RPS6KA2: variants seen among roughly 807,000 people sequenced by gnomAD.
The protein encoded by RPS6KA2 is ribosomal protein S6 kinase alpha-2.
RPS6KA2 carries 42 observed loss-of-function variants against 91.8 expected under a neutral mutation model. The ratio of observed to expected loss-of-function variants is 0.46; its 90% CI spans 0.36 to 0.59. The LOEUF (loss-of-function observed/expected upper bound fraction) is 0.59. Among genes scored for constraint, RPS6KA2 ranks in the 20% least tolerant of loss-of-function variants. The pLI is 0.00. For missense variants in RPS6KA2, 798 were observed against 978.5 expected, an observed-to-expected ratio of 0.82 and a Z score of 2.46; for synonymous variants, 414 against 393.6, an observed-to-expected ratio of 1.05 and a Z score of -0.61.
exon 1 of RPS6KA2, chr6:166,862,406 GT>G (rs922900970): frequency 5.0e-5 from 69 of 1,374,422 alleles, no homozygotes; most frequent in Non-Finnish European, 6.1e-5. Flanking sequence ...CTCGGGCGCC[GT>G]CCCCTCCCTG....
chr6:166,524,794 G>A (rs945115590), intron 3 of RPS6KA2, among the ~76,000 whole-genome samples: 2 of 152,226 alleles, frequency 1.3e-5, no homozygotes, highest in African/African-American at 2.4e-5. Flanking sequence ...ACTTTCAGCA[G>A]GGGGACACTG....
chr6:166,726,835 G>A lies in RPS6KA2; in HGVS notation c.123+131365C>T, dbSNP rs1790352663. Among the ~76,000 whole-genome samples, 1 of 152,210 alleles carries A rather than the reference G, an allele frequency of 6.6e-6. No individual in the cohort carries two copies. The highest frequency in any genetic ancestry group is 2.4e-5 in the African/African-American group (1 of 41,452). ...GAAACCCCTCCACCAGGGAGGTGAC[G>A]GGTCTCAGGGAGTGTGTCTGGCGGG... On this transcript the variant is annotated intron_variant, in intron 2 of 21. Coordinates refer to the RPS6KA2 transcript ENST00000503859. The surrounding 1 kb of genome is among the most constrained non-coding windows in gnomAD (Gnocchi z 4.4).
At chr6:166,717,478 C>A (rs1790045068) in intron 2 of RPS6KA2, among the ~76,000 whole-genome samples, 1 of 152,152 alleles carries the variant, frequency 6.6e-6, no homozygotes, top group South Asian at 2.1e-4. Flanking sequence ...GGAAGAAGGC[C>A]AGGGAATTTT....
At chr6:166,679,478 T>TAATA (rs1018230813) in intron 2 of RPS6KA2, among the ~76,000 whole-genome samples, 12 of 151,852 alleles carry the variant, frequency 7.9e-5, no homozygotes, top group African/African-American at 2.9e-4. Flanking sequence ...ATAATAATAA[T>TAATA]AATAAATAAA....
chr6:166,465,845 C>G (rs1780499294), intron 11 of RPS6KA2, among the ~76,000 whole-genome samples: 1 of 152,226 alleles, frequency 6.6e-6, no homozygotes, highest in African/African-American at 2.4e-5. Context: ...GGACACTTTG[C>G]TGGTGCACCA....
chr6:166,436,248 G>A (rs948339795), intron 14 of RPS6KA2, among the ~76,000 whole-genome samples: 8 of 151,352 alleles, frequency 5.3e-5, no homozygotes, highest in South Asian at 4.2e-4. Flanking sequence ...CTGCGAGTCC[G>A]TGCCATGAAG....
intron 12 of RPS6KA2, among the ~76,000 whole-genome samples, chr6:166,453,306 G>C (rs1779978345): frequency 2.0e-5 from 3 of 151,970 alleles, no homozygotes; most frequent in Admixed American, 6.6e-5. Flanking sequence ...GAACATATTT[G>C]CAAACTATGC....
chr6:166,776,867 T>C (rs1778635813), intron 2 of RPS6KA2, among the ~76,000 whole-genome samples: 1 of 152,238 alleles, frequency 6.6e-6, no homozygotes, highest in East Asian at 1.9e-4. Context: ...TGTGCTGCTA[T>C]AAACAAGTGT....
At chr6:166,516,996 CAT>C (rs1420235244) in intron 3 of RPS6KA2, among the ~76,000 whole-genome samples, 14 of 152,116 alleles carry the variant, frequency 9.2e-5, no homozygotes, top group Non-Finnish European at 2.1e-4. Context: ...TGTTTAGCCA[CAT>C]GTCTGACTTT....
chr6:166,704,067 C>T (rs985642495), intron 2 of RPS6KA2, among the ~76,000 whole-genome samples: 2 of 152,126 alleles, frequency 1.3e-5, no homozygotes, highest in African/African-American at 4.8e-5. Context: ...GCTGAGGAGC[C>T]AGAACTTGAC....
rs1266644860 is a variant in RPS6KA2, at chr6:166,419,391, G to T, written c.1820+491C>A. On this transcript the variant is annotated intron_variant, in intron 18 of 20. Coordinates refer to ENST00000265678, the MANE Select transcript of RPS6KA2 (RefSeq NM_021135.6). This position sits in a 1 kb window ranked among gnomAD's most constrained non-coding sequence, Gnocchi z 5.6. The stretch of plus-strand genomic sequence containing the variant: ...CACGGCTAGTGGCGAGTGGGGCTCA[G>T]ATGGAAGTCAGCTGTCTGGATGGCA... Among the ~76,000 whole-genome samples, 1 of 152,212 alleles carries T rather than the reference G, an allele frequency of 6.6e-6. No individual in the cohort carries two copies. The highest frequency in any genetic ancestry group is 1.5e-5 in the Non-Finnish European group (1 of 68,044).
chr6:166,450,258 C>T (rs1562501448), intron 13 of RPS6KA2, among the ~76,000 whole-genome samples: 2 of 149,920 alleles, frequency 1.3e-5, no homozygotes, highest in African/African-American at 2.5e-5. Flanking sequence ...CAGGGACCAC[C>T]ATAGGAGACC....
chr6:166,498,443 C>A, intron 8 of RPS6KA2, 65 bp downstream of exon 8: 8 of 1,526,036 alleles, frequency 5.2e-6, no homozygotes, highest in Non-Finnish European at 7.0e-6. Flanking sequence ...CTGAACCAAC[C>A]TGGGGACAGG....
At chr6:166,699,840 A>T (rs369341660) in intron 2 of RPS6KA2, among the ~76,000 whole-genome samples, 2 of 152,222 alleles carry the variant, frequency 1.3e-5, no homozygotes, top group East Asian at 1.9e-4. Context: ...TTACTACTTT[A>T]GGTGGAGTCT....
At chr6:166,655,424 G>A (rs1787974535) in intron 2 of RPS6KA2, among the ~76,000 whole-genome samples, 1 of 152,216 alleles carries the variant, frequency 6.6e-6, no homozygotes, top group Non-Finnish European at 1.5e-5. Context: ...GTGCAAAGTA[G>A]TACAAACAGG....
intron 2 of RPS6KA2, among the ~76,000 whole-genome samples, chr6:166,668,644 C>T (rs989411797): frequency 2.0e-5 from 3 of 152,052 alleles, no homozygotes; most frequent in African/African-American, 7.2e-5. Flanking sequence ...ACACTGAGAA[C>T]GGAGGCAGTG....
At chr6:166,660,328 ATGTG>A (rs1178158518) in intron 2 of RPS6KA2, among the ~76,000 whole-genome samples, 1 of 147,072 alleles carries the variant, frequency 6.8e-6, no homozygotes, top group African/African-American at 2.5e-5. Context: ...GTGTGTGTGC[ATGTG>A]TGTGTGTGCG....
chr6:166,617,052 C>G (rs762561633), intron 1 of RPS6KA2, among the ~76,000 whole-genome samples: 2 of 152,234 alleles, frequency 1.3e-5, no homozygotes, highest in African/African-American at 4.8e-5. Context: ...GCCGGGCGCC[C>G]GCTCCATCGT....
At chr6:166,602,153 G>A (rs558984838) in intron 1 of RPS6KA2, among the ~76,000 whole-genome samples, 310 of 152,308 alleles carry the variant, frequency 2.0e-3, no homozygotes, top group African/African-American at 7.2e-3. Flanking sequence ...TTCCGGCCAC[G>A]GTGGGACACC....
Sources: gnomAD v4.1 joint callset for allele counts (sites outside exome capture counted in the v4.1 genomes callset) on GRCh38, gnomAD v4.1.1 for gene constraint, Gnocchi (gnomAD v3.1) non-coding constraint, MANE v1.5 for transcripts, NCBI Gene and HGNC (gene_info 2026-07-23, HGNC 2026-07-21) for gene names.